PTPN14: variants seen among roughly 807,000 people sequenced by gnomAD.
PTPN14 encodes protein tyrosine phosphatase non-receptor type 14.
Under a neutral mutation model 126.8 loss-of-function variants are expected in PTPN14, and 53 were observed. The observed-to-expected ratio is 0.42, with a 90% CI of 0.34 to 0.53. The LOEUF is 0.53. Ranked by LOEUF, PTPN14 falls within the 20% of genes least tolerant of loss-of-function variation. The pLI is 0.08. For missense variants in PTPN14, 1,257 were observed against 1,552.9 expected (o/e 0.81, Z 3.20); for synonymous variants, 630 against 599.3 (o/e 1.05, Z -0.75).
intron 9 of PTPN14, among the ~76,000 whole-genome samples, chr1:214,394,383 T>C (rs1399517786): frequency 6.6e-6 from 1 of 152,216 alleles, no homozygotes; most frequent in Non-Finnish European, 1.5e-5. Context: ...AAAAGTCAGC[T>C]TGGAAACCTG....
chr1:214,396,089 G>A (rs188383108), intron 8 of PTPN14, among the ~76,000 whole-genome samples: 132 of 152,252 alleles, frequency 8.7e-4, no homozygotes, highest in African/African-American at 2.8e-3. Flanking sequence ...GCACTGAATC[G>A]AGTACCTGGC....
At chr1:214,388,145 T>A (rs74415152) in intron 11 of PTPN14, among the ~76,000 whole-genome samples, 6,907 of 152,252 alleles carry the variant, frequency 0.045, 244 homozygotes, top group Non-Finnish European at 0.068. Flanking sequence ...GATTAAATAT[T>A]TGGTGAACCA....
intron 9 of PTPN14, 80 bp from the exon 10 acceptor site, chr1:214,393,857 G>A (rs373770392): frequency 6.2e-6 from 7 of 1,137,450 alleles, no homozygotes; most frequent in East Asian, 4.8e-5. Flanking sequence ...TCTGAGGAGG[G>A]ACACACATCC....
At position 214,394,882 on chromosome 1, in the gene PTPN14, TTGTC is replaced by T. The variant is rs912110914; in HGVS notation, c.846+13_846+16del. On this transcript the variant is annotated intron_variant, in intron 9 of 18. Coordinates refer to ENST00000366956, the MANE Select transcript of PTPN14 (RefSeq NM_005401.5). ...CAGTGTCTTGTCAGACCCTGACTGTTTGTCTGTTGTGCTTACCGTGTGAAAGAGG... is the reference window on the plus strand; with the variant it reads ...CAGTGTCTTGTCAGACCCTGACTGTTTGTTGTGCTTACCGTGTGAAAGAGG... The T allele has an allele frequency of 1.3e-6, 2 of 1,598,786 alleles. No individual in the cohort carries two copies. The highest frequency in any genetic ancestry group is 1.7e-4 in the Middle Eastern group (1 of 6,050).
intron 1 of PTPN14, among the ~76,000 whole-genome samples, chr1:214,501,921 T>A (rs1219481447): frequency 6.6e-6 from 1 of 151,760 alleles, no homozygotes; most frequent in African/African-American, 2.4e-5. Flanking sequence ...TAGCCAGGCA[T>A]GGTGGTGGGC....
At chr1:214,431,180 T>C (rs1659788478) in intron 3 of PTPN14, among the ~76,000 whole-genome samples, 1 of 152,212 alleles carries the variant, frequency 6.6e-6, no homozygotes, top group African/African-American at 2.4e-5. Context: ...AGGCTTGCCA[T>C]GCTTCAAATG....
At chr1:214,374,615 C>T (rs1015510047) in intron 15 of PTPN14, among the ~76,000 whole-genome samples, 3 of 152,194 alleles carry the variant, frequency 2.0e-5, no homozygotes, top group Admixed American at 6.5e-5. Context: ...CTGCTTGGAA[C>T]CCAGGGGGGA....
chr1:214,437,800 G>A (rs1659953451), intron 3 of PTPN14, among the ~76,000 whole-genome samples: 1 of 152,076 alleles, frequency 6.6e-6, no homozygotes, highest in Non-Finnish European at 1.5e-5. Flanking sequence ...AATCCCCCCT[G>A]AGATTCTCCA....
At chr1:214,464,536 C>T (rs1173984028) in intron 2 of PTPN14, 94 bp downstream of exon 2, 1 of 1,480,002 alleles carries the variant, frequency 6.8e-7, no homozygotes. Flanking sequence ...CAACAGATGC[C>T]AAAAAACAGA....
Position 214,481,528 on chromosome 1 carries a change from AAAAGAATAG to A in PTPN14, c.-154-16580_-154-16572del, listed in dbSNP as rs1660988142. Among the ~76,000 whole-genome samples the A allele has an allele frequency of 4.0e-5, 6 of 151,194 alleles. No individual in the cohort carries two copies. The South Asian group carries it at 1.3e-3, about 32-fold the overall frequency. On this transcript the variant is annotated intron_variant, in intron 1 of 18. Transcript: ENST00000366956. Reference sequence around the variant, plus strand: ...CTCCCGCTCAAAAAAAAAAAAAAAAAAAAGAATAGAAATTAAAATATTCTAGTTATCTAT... The same window carrying A: ...CTCCCGCTCAAAAAAAAAAAAAAAAAAAATTAAAATATTCTAGTTATCTAT...
chr1:214,527,987 A>C (rs1655443075), intron 1 of PTPN14, among the ~76,000 whole-genome samples: 1 of 152,222 alleles, frequency 6.6e-6, no homozygotes, highest in East Asian at 1.9e-4. Flanking sequence ...TCTAAAGTCA[A>C]AAGTTACTGA....
intron 1 of PTPN14, among the ~76,000 whole-genome samples, chr1:214,536,794 C>T (rs1484880303): frequency 6.6e-6 from 1 of 152,176 alleles, no homozygotes; most frequent in Non-Finnish European, 1.5e-5. Flanking sequence ...TATGTCTACA[C>T]ATGAACATTA....
At chr1:214,520,237 T>C (rs927971781) in intron 1 of PTPN14, among the ~76,000 whole-genome samples, 2 of 151,842 alleles carry the variant, frequency 1.3e-5, no homozygotes, top group Admixed American at 1.3e-4. Context: ...GAAAAGGTTA[T>C]GAACGTCTTA....
chr1:214,384,096 G>T lies in PTPN14; in HGVS notation c.1759C>A (p.His587Asn). The change falls in exon 13 of 19, where the codon CAC becomes AAC. Residue 587 changes from histidine (H) to asparagine (N), a missense_variant. Physicochemically the swap from His to Asn is moderately conservative, Grantham distance 68. Around this residue, in one of 3 missense-constraint regions of PTPN14, gnomAD observed 1,021 missense variants for 1,183.3 expected, o/e 0.86. Coordinates refer to ENST00000366956, the MANE Select transcript of PTPN14 (RefSeq NM_005401.5). The surrounding 1 kb of genome is among the most constrained non-coding windows in gnomAD (Gnocchi z 5.3). Reference protein sequence around the residue: ...TSTPDLASHRHKYVSGSSPDL... With the variant: ...TSTPDLASHRNKYVSGSSPDL... ...GGGCTGCTGCCGCTGACGTACTTGT[G>T]GCGGTGGCTGGCCAGGTCTGGGGTG... The T allele has an allele frequency of 6.4e-7, 1 of 1,572,826 alleles. No individual in the cohort carries two copies. Among genetic ancestry groups the T allele is most frequent in the Non-Finnish European group, 8.6e-7 (1 of 1,162,120 alleles).
chr1:214,429,735 T>C (rs1418383085), intron 3 of PTPN14, among the ~76,000 whole-genome samples: 3 of 152,232 alleles, frequency 2.0e-5, no homozygotes, highest in African/African-American at 7.2e-5. Flanking sequence ...ACTAGAATAT[T>C]AATTATGTAA....
At position 214,369,524 on chromosome 1, in the gene PTPN14, C is replaced by T. The variant is rs183846258; in HGVS notation, c.3204G>A (p.Thr1068=). 25 of 1,614,148 alleles carry T rather than the reference C, an allele frequency of 1.5e-5. No individual in the cohort carries two copies. Among genetic ancestry groups the T allele is most frequent in the Admixed American group, 1.0e-4 (6 of 60,020 alleles). ...AGTCAGTATATTGTAAATGCCACAC[C>T]GTCCTTTCTTGCCCAGACAAAAGGT... ...VKHLLSGQER[T]VWHLQYTDWP... The change falls in exon 17 of 19, where the codon ACG becomes ACA. Residue 1068 remains threonine (T), a synonymous_variant. Transcript: ENST00000366956.
intron 4 of PTPN14, among the ~76,000 whole-genome samples, chr1:214,413,254 T>C (rs546505587): frequency 3.9e-5 from 6 of 152,322 alleles, no homozygotes; most frequent in Admixed American, 3.9e-4. Flanking sequence ...ATTTCAACAA[T>C]GCTACCTCTG....
intron 3 of PTPN14, among the ~76,000 whole-genome samples, chr1:214,421,418 C>T (rs1386410346): frequency 3.3e-5 from 5 of 152,140 alleles, no homozygotes; most frequent in Non-Finnish European, 5.9e-5. Context: ...GGAATGCCTG[C>T]TAACATTTTG....
At chr1:214,476,633 T>G (rs1159604510) in intron 1 of PTPN14, among the ~76,000 whole-genome samples, 1 of 152,154 alleles carries the variant, frequency 6.6e-6, no homozygotes, top group African/African-American at 2.4e-5. Context: ...GCACTGAGCT[T>G]CCCTGGGAAT....
Sources: allele counts gnomAD v4.1 joint callset (sites outside exome capture counted in the v4.1 genomes callset), GRCh38; gene constraint gnomAD v4.1.1; regional missense constraint gnomAD v4.1.1; non-coding constraint Gnocchi (gnomAD v3.1); transcripts MANE v1.5; gene names NCBI Gene and HGNC (gene_info 2026-07-23, HGNC 2026-07-21).